TXNRD1: variants seen among roughly 807,000 people sequenced by gnomAD.
The protein encoded by TXNRD1 is thioredoxin reductase 1.
A neutral mutation model predicts 80.3 loss-of-function variants in TXNRD1; 57 were observed. That is an observed-to-expected ratio of 0.71 (90% CI 0.57 to 0.89). The LOEUF (loss-of-function observed/expected upper bound fraction) is 0.89. TXNRD1 is among the 40% of genes least tolerant of loss of function. The pLI is 0.00. For missense variants in TXNRD1, 730 were observed against 803.0 expected, an observed-to-expected ratio of 0.91 and a Z score of 1.10; for synonymous variants, 291 against 285.2, an observed-to-expected ratio of 1.02 and a Z score of -0.20.
rs1471994368 is a variant in TXNRD1 at position 104,321,121 on chromosome 12, G to C, written c.1020G>C (p.Pro340=). ...SDDLFSLPYC[P]GKTLVVGASY... ...ATCTTTTCTCCTTGCCTTACTGCCC[G>C]GGTAAGACCCTGGTTGTTGGAGCAT... Residue 340 remains proline (P), a synonymous_variant, in exon 10 of 17, where the codon CCG becomes CCC. Coordinates refer to ENST00000525566, the MANE Select transcript of TXNRD1 (RefSeq NM_001093771.3). 4.3e-6 allele frequency: 7 copies of C among 1,611,136 alleles called. No homozygotes were observed. The East Asian group carries it at 1.6e-4, about 36-fold the overall frequency.
At chr12:104,309,991 C>G in intron 4 of TXNRD1, 1 of 1,536,246 alleles carries the variant, frequency 6.5e-7, no homozygotes, top group Non-Finnish European at 8.7e-7. Flanking sequence ...ATTGCTCCAC[C>G]GCACCCCCTT....
At chr12:104,240,199 C>A (rs1380745653) in intron 1 of TXNRD1, among the ~76,000 whole-genome samples, 2 of 152,024 alleles carry the variant, frequency 1.3e-5, no homozygotes, top group Non-Finnish European at 2.9e-5. Context: ...CTCCAGATAT[C>A]CTGTTTGTAG....
chr12:104,344,464 T>A (rs1796026901), intron 16 of TXNRD1, among the ~76,000 whole-genome samples: 1 of 152,194 alleles, frequency 6.6e-6, no homozygotes. Context: ...AAATTATTTT[T>A]AATTGACACA....
At position 104,286,600 on chromosome 12, in the gene TXNRD1, T is replaced by G. The variant is rs886982673; in HGVS notation, c.305-2331T>G. ...TCACCTTTGGAGTTTTTTTTTTTTT[T>G]TTAAACGCAGAGGCCCAGGTCACAC... On this transcript the variant is annotated intron_variant, in intron 3 of 16. Coordinates refer to ENST00000525566, the MANE Select transcript of TXNRD1 (RefSeq NM_001093771.3). The G allele has an allele frequency of 6.4e-5, 33 of 511,696 alleles. No individual in the cohort carries two copies. In the African/African-American group the frequency reaches 6.9e-4, roughly 11 times the overall value. The allele number at this position is 511,696 out of a possible 1,614,324, so 31.7% of individuals were successfully genotyped here.
At chr12:104,266,905 T>G (rs1214378662) in intron 3 of TXNRD1, among the ~76,000 whole-genome samples, 2 of 151,704 alleles carry the variant, frequency 1.3e-5, no homozygotes, top group Non-Finnish European at 2.9e-5. Context: ...GAGCTTGCAA[T>G]AAGCCAAGAT....
chr12:104,230,362 C>T (rs534591375), intron 1 of TXNRD1, among the ~76,000 whole-genome samples: 4 of 152,266 alleles, frequency 2.6e-5, no homozygotes, highest in African/African-American at 9.6e-5. Flanking sequence ...AGCCACTGTG[C>T]CCAGCCATGT....
chr12:104,263,762 TG>T (rs1383034034), intron 3 of TXNRD1, among the ~76,000 whole-genome samples: 1 of 152,182 alleles, frequency 6.6e-6, no homozygotes, highest in African/African-American at 2.4e-5. Flanking sequence ...GGTTCTGATG[TG>T]TATTATTCAT....
intron 3 of TXNRD1, among the ~76,000 whole-genome samples, chr12:104,261,606 G>C (rs990657179): frequency 2.0e-5 from 3 of 152,214 alleles, no homozygotes; most frequent in Admixed American, 1.3e-4. Context: ...ACTTTTCTGT[G>C]TGAGACTGGA....
At chr12:104,293,846 A>G (rs371632230) in intron 4 of TXNRD1, among the ~76,000 whole-genome samples, 1 of 152,344 alleles carries the variant, frequency 6.6e-6, no homozygotes, top group East Asian at 1.9e-4. Flanking sequence ...TTTATTGGAT[A>G]CAAGGCAGAA....
intron 16 of TXNRD1, 29 bp downstream of exon 16, chr12:104,339,302 A>G (rs937749919): frequency 1.2e-6 from 2 of 1,612,648 alleles, no homozygotes; most frequent in African/African-American, 1.3e-5. Flanking sequence ...TACAGTTTAA[A>G]ATGTTTAAAA....
intron 15 of TXNRD1, among the ~76,000 whole-genome samples, chr12:104,337,212 A>G (rs1291430517): frequency 2.0e-5 from 3 of 146,986 alleles, no homozygotes; most frequent in African/African-American, 7.3e-5. Context: ...GATACGCTTT[A>G]TTCATACCAT....
At chr12:104,265,704 C>G in intron 3 of TXNRD1, 1 of 1,602,958 alleles carries the variant, frequency 6.2e-7, no homozygotes, top group South Asian at 1.1e-5. Context: ...TGGAGGAGAT[C>G]GCGGCCAGCA....
intron 4 of TXNRD1, chr12:104,304,756 G>T (rs530625247): frequency 1.2e-6 from 2 of 1,613,958 alleles, no homozygotes; most frequent in East Asian, 2.2e-5. Flanking sequence ...CAAGAATAAG[G>T]CTTGATGAAG....
intron 2 of TXNRD1, among the ~76,000 whole-genome samples, chr12:104,256,136 G>C (rs1481739096): frequency 6.6e-6 from 1 of 152,086 alleles, no homozygotes; most frequent in Non-Finnish European, 1.5e-5. Flanking sequence ...TTTAACAACT[G>C]GGATATGAGT....
At chr12:104,343,126 G>A (rs1034700971) in intron 16 of TXNRD1, among the ~76,000 whole-genome samples, 1 of 152,210 alleles carries the variant, frequency 6.6e-6, no homozygotes, top group Non-Finnish European at 1.5e-5. Flanking sequence ...GCTGGGTACT[G>A]TGTCCCTGCC....
chr12:104,270,814 C>T (rs1388233874), intron 3 of TXNRD1, among the ~76,000 whole-genome samples: 1 of 151,938 alleles, frequency 6.6e-6, no homozygotes, highest in Non-Finnish European at 1.5e-5. Context: ...AATATAGCCT[C>T]CTTTATAGCA....
intron 4 of TXNRD1, 85 bp from the exon 5 acceptor site, chr12:104,311,205 C>T (rs1394986192): frequency 1.4e-5 from 20 of 1,415,622 alleles, no homozygotes; most frequent in Non-Finnish European, 1.7e-5. Context: ...TTTTGTTTTT[C>T]TTTAAGAAAA....
chr12:104,252,482 G>A (rs1396504598), intron 2 of TXNRD1, among the ~76,000 whole-genome samples: 2 of 150,904 alleles, frequency 1.3e-5, no homozygotes, highest in African/African-American at 4.9e-5. Context: ...AAACCAGGGT[G>A]GACTTAACCA....
rs1465738477 is a variant in TXNRD1 at position 104,326,362 on chromosome 12, G to C, written c.1324G>C (p.Gly442Arg). 1 of 1,591,474 alleles carries C rather than the reference G, an allele frequency of 6.3e-7. No homozygotes were observed. The highest frequency in any genetic ancestry group is 8.5e-7 in the Non-Finnish European group (1 of 1,170,876). The change falls in exon 12 of 17, where the codon GGA (glycine) becomes CGA (arginine). Residue 442 changes from glycine to arginine, a missense_variant. By Grantham distance (125) the Gly-to-Arg change is moderately radical. Transcript: ENST00000525566. Reference protein sequence around the residue: ...GEYNTVMLAIGRDACTRKIGL... With the variant: ...GEYNTVMLAIRRDACTRKIGL... ...AATTTTTCAGGTGATGCTGGCAATAGGAAGAGATGCTTGCACAAGAAAAAT... is the reference window on the plus strand; with the variant it reads ...AATTTTTCAGGTGATGCTGGCAATACGAAGAGATGCTTGCACAAGAAAAAT...
Sources: allele counts gnomAD v4.1 joint callset (sites outside exome capture counted in the v4.1 genomes callset), GRCh38; gene constraint gnomAD v4.1.1; transcripts MANE v1.5; gene names NCBI Gene and HGNC (gene_info 2026-07-23, HGNC 2026-07-21).